ZFHX3: variants seen among roughly 807,000 people sequenced by gnomAD.
ZFHX3 encodes the protein zinc finger homeobox 3.
ZFHX3 carries 42 observed loss-of-function variants against 279.1 expected under a neutral mutation model. The observed-to-expected ratio is 0.15, with a 90% CI of 0.12 to 0.19. The LOEUF (loss-of-function observed/expected upper bound fraction) is 0.19, where lower values mean the gene tolerates loss of function less well. Among genes scored for constraint, ZFHX3 ranks in the 10% least tolerant of loss-of-function variants. The pLI, the probability that ZFHX3 is intolerant of heterozygous loss-of-function variation, is 1.00. For synonymous variants in ZFHX3, 2,293 were observed against 1,957.8 expected (o/e 1.17, Z -4.52); for missense variants, 4,981 against 4,754.0 (o/e 1.05, Z -1.40).
At chr16:73,771,819 G>A (rs922669760) in intron 1 of ZFHX3, among the ~76,000 whole-genome samples, 10 of 150,950 alleles carry the variant, frequency 6.6e-5, no homozygotes, top group Non-Finnish European at 1.3e-4. Flanking sequence ...TTAGGCCATG[G>A]CTCCTGGTCC....
chr16:73,682,886 GAAAGAA>G (rs1300620785), intron 1 of ZFHX3, among the ~76,000 whole-genome samples: 7 of 61,302 alleles, frequency 1.1e-4, no homozygotes, highest in South Asian at 5.2e-4. Flanking sequence ...AAGAAAGAAA[GAAAGAA>G]AGAAAGAAAG....
intron 3 of ZFHX3, among the ~76,000 whole-genome samples, chr16:73,412,284 G>A (rs566872143): frequency 4.1e-5 from 6 of 144,934 alleles, no homozygotes; most frequent in Non-Finnish European, 7.4e-5. Context: ...CCATAATCAC[G>A]CCACGGCACT....
At chr16:73,628,802 T>C (rs950405754) in intron 2 of ZFHX3, among the ~76,000 whole-genome samples, 1 of 152,162 alleles carries the variant, frequency 6.6e-6, no homozygotes, top group Non-Finnish European at 1.5e-5. Flanking sequence ...CCTTTTAAAA[T>C]GTGCTCCCAG....
At chr16:73,847,988 T>G (rs1961494081) in intron 1 of ZFHX3, among the ~76,000 whole-genome samples, 1 of 144,140 alleles carries the variant, frequency 6.9e-6, no homozygotes, top group Non-Finnish European at 1.5e-5. Context: ...CTCAAACTCC[T>G]GACCTCATGA....
At chr16:72,839,510 C>G (rs987664352) in intron 4 of ZFHX3, among the ~76,000 whole-genome samples, 1 of 152,112 alleles carries the variant, frequency 6.6e-6, no homozygotes, top group Admixed American at 6.5e-5. Context: ...TGTCCCCCAT[C>G]TCGTTAAAAA....
chr16:73,818,498 G>C (rs1302786625), intron 1 of ZFHX3, among the ~76,000 whole-genome samples: 1 of 152,130 alleles, frequency 6.6e-6, no homozygotes, highest in Non-Finnish European at 1.5e-5. Context: ...ATCAACCAAA[G>C]CTCCTGTGAG....
At chr16:73,142,870 G>C (rs939463288) in intron 6 of ZFHX3, among the ~76,000 whole-genome samples, 7 of 152,138 alleles carry the variant, frequency 4.6e-5, no homozygotes, top group Non-Finnish European at 7.3e-5. Context: ...GTCCAGAAAG[G>C]CCCAGTGATT....
At chr16:72,947,210 A>C (rs1309650307) in intron 3 of ZFHX3, among the ~76,000 whole-genome samples, 2 of 152,194 alleles carry the variant, frequency 1.3e-5, no homozygotes, top group East Asian at 3.9e-4. Flanking sequence ...GCCCTGCGGC[A>C]TTCCCCTACT....
chr16:72,884,299 A>C (rs1045136513), intron 4 of ZFHX3, among the ~76,000 whole-genome samples: 1 of 152,198 alleles, frequency 6.6e-6, no homozygotes, highest in Non-Finnish European at 1.5e-5. Context: ...CGCTACTATG[A>C]ATGCCAAAGA....
intron 3 of ZFHX3, among the ~76,000 whole-genome samples, chr16:73,318,642 T>G (rs2015507689): frequency 6.6e-6 from 1 of 152,152 alleles, no homozygotes; most frequent in African/African-American, 2.4e-5. Flanking sequence ...CTCAAAGTAA[T>G]TTTTGAAAAT....
intron 4 of ZFHX3, among the ~76,000 whole-genome samples, chr16:73,272,768 A>C (rs190269270): frequency 1.3e-5 from 2 of 152,174 alleles, no homozygotes; most frequent in Non-Finnish European, 2.9e-5. Context: ...GTTTTTTGAG[A>C]CAGAGTGTTA....
chr16:73,428,677 TAGAC>T (rs140278462), intron 3 of ZFHX3, among the ~76,000 whole-genome samples: 9,370 of 152,058 alleles, frequency 0.062, 352 homozygotes, highest in Middle Eastern at 0.078. Context: ...AATAAATTAA[TAGAC>T]AGACAGAGAG....
At chr16:73,342,454 C>T (rs1271494662) in intron 3 of ZFHX3, among the ~76,000 whole-genome samples, 1 of 152,064 alleles carries the variant, frequency 6.6e-6, no homozygotes, top group Non-Finnish European at 1.5e-5. Flanking sequence ...GTTGGATAAA[C>T]GATGGTGCAA....
At chr16:73,048,856 G>T (rs950834514), upstream of ZFHX3, among the ~76,000 whole-genome samples, 1 of 152,214 alleles carries the variant, frequency 6.6e-6, no homozygotes, top group Non-Finnish European at 1.5e-5. Flanking sequence ...AAGAGAAAAG[G>T]AGAGATCACT....
intron 1 of ZFHX3, among the ~76,000 whole-genome samples, chr16:73,733,568 T>C (rs1274578300): frequency 2.6e-5 from 4 of 152,250 alleles, no homozygotes; most frequent in Non-Finnish European, 5.9e-5. Context: ...GAATTTTCTT[T>C]CTTTGTTCAT....
At chr16:72,819,163 G>A (rs1385691684) in intron 5 of ZFHX3, among the ~76,000 whole-genome samples, 2 of 152,134 alleles carry the variant, frequency 1.3e-5, no homozygotes, top group Non-Finnish European at 2.9e-5. Context: ...TTTAGATAAA[G>A]ATTTCCAGGT....
At chr16:73,032,488 C>A (rs1255145974) in intron 1 of ZFHX3, among the ~76,000 whole-genome samples, 3 of 152,072 alleles carry the variant, frequency 2.0e-5, no homozygotes, top group East Asian at 3.9e-4. Flanking sequence ...TTCTCAACGC[C>A]ATAGTCAGAC....
intron 3 of ZFHX3, among the ~76,000 whole-genome samples, chr16:73,374,542 A>T (rs1001723): frequency 0.012 from 1,814 of 152,376 alleles, 34 homozygotes; most frequent in African/African-American, 0.033. Context: ...TACCATGATC[A>T]CACCTAAAAA....
chr16:73,718,343 G>A (rs2053436427), intron 1 of ZFHX3, among the ~76,000 whole-genome samples: 1 of 152,020 alleles, frequency 6.6e-6, no homozygotes, highest in African/African-American at 2.4e-5. Flanking sequence ...CCCAGGAGGT[G>A]GAAGTTGCAG....
Sources: allele counts gnomAD v4.1 joint callset (sites outside exome capture counted in the v4.1 genomes callset), GRCh38; gene constraint gnomAD v4.1.1; transcripts MANE v1.5; gene names NCBI Gene and HGNC (gene_info 2026-07-23, HGNC 2026-07-21).